LOXHD1: variants seen among roughly 807,000 people sequenced by gnomAD.
The protein encoded by LOXHD1 is lipoxygenase homology PLAT domains 1.
Under a neutral mutation model 248.2 loss-of-function variants are expected in LOXHD1, and 205 were observed. The ratio of observed to expected loss-of-function variants is 0.83; its 90% CI spans 0.74 to 0.93. LOXHD1 has a LOEUF of 0.93. LOXHD1 is among the 40% of genes least tolerant of loss of function. The pLI, the probability that LOXHD1 is intolerant of heterozygous loss-of-function variation, is 0.00. For synonymous variants in LOXHD1, 1,113 were observed against 1,162.8 expected, an observed-to-expected ratio of 0.96 and a Z score of 0.87; for missense variants, 2,930 against 2,971.6, an observed-to-expected ratio of 0.99 and a Z score of 0.33.
In LOXHD1 at chr18:46,533,688, C is replaced by T. The variant is rs140341342; in HGVS notation, c.4213-364G>A. 576 of 329,022 alleles carry T rather than the reference C, an allele frequency of 1.8e-3. 3 individuals are homozygous for T. Among genetic ancestry groups the T allele is most frequent in the African/African-American group, 0.012 (538 of 45,290 alleles). The allele number at this position is 329,022 out of a possible 1,614,324, so 20.4% of individuals were successfully genotyped here. A position where few individuals can be genotyped will look rare whatever the true frequency, so the allele number is the denominator to read the frequency against. On this transcript the variant is annotated intron_variant, in intron 27 of 40. Transcript: ENST00000642948. ...CCTGTAATCTCAGCACTTTGAGAGG[C>T]CAAGGCGGGTGGATTACCTGATGTC...
chr18:46,559,551 G>A lies in LOXHD1; in HGVS notation c.3113C>T (p.Thr1038Ile). The change falls in exon 20 of 41, where the codon ACT (threonine) becomes ATT (isoleucine). Residue 1038 changes from threonine (T) to isoleucine (I), a missense_variant. Physicochemically the swap from Thr to Ile is moderately conservative, Grantham distance 89. Transcript: ENST00000642948. ...GATGGTTAGGTAGACGTTAGCATCA[G>A]TGCCGGCCTTGGGCACATTCCCCGT... Reference protein sequence around the residue: ...VVTGNVPKAGTDANVYLTIYG... With the variant: ...VVTGNVPKAGIDANVYLTIYG... 1 of 1,551,964 alleles carries A rather than the reference G, an allele frequency of 6.4e-7. No individual in the cohort carries two copies. The highest frequency in any genetic ancestry group is 8.7e-7 in the Non-Finnish European group (1 of 1,147,050).
intron 37 of LOXHD1, among the ~76,000 whole-genome samples, chr18:46,500,611 G>T (rs541557584): frequency 2.0e-5 from 3 of 152,052 alleles, no homozygotes; most frequent in Non-Finnish European, 2.9e-5. Flanking sequence ...AGTGATTCCC[G>T]TTCTTGAGAC....
At position 46,620,401 on chromosome 18, in the gene LOXHD1, GGC is replaced by G. The variant is rs2038652044; in HGVS notation, c.512-2113_512-2112del. Among the ~76,000 whole-genome samples the G allele has an allele frequency of 2.0e-5, 3 of 152,346 alleles. No homozygotes were observed. In the East Asian group the frequency reaches 5.8e-4, roughly 29 times the overall value. On this transcript the variant is annotated intron_variant, in intron 4 of 40. Coordinates refer to ENST00000642948, the MANE Select transcript of LOXHD1 (RefSeq NM_001384474.1). ...AAGGTTGCATCAGTCCATTGGAAGG[GGC>G]AGCAGGGCTCCAGGGGAAACTGCAC...
At chr18:46,526,417 C>CA (rs1210532274) in intron 29 of LOXHD1, among the ~76,000 whole-genome samples, 5 of 152,340 alleles carry the variant, frequency 3.3e-5, no homozygotes, top group African/African-American at 1.2e-4. Context: ...CAAGTTAAAG[C>CA]AGTGTTTATA....
rs754490370 is a variant in LOXHD1 at position 46,506,024 on chromosome 18, C to A, written c.5693-1G>T. The stretch of plus-strand genomic sequence containing the variant: ...AACACGTTGGCATCAGTGCCTGCTC[C>A]TGGGGGGTGCACAAGGTGAGGCTTA... On this transcript the variant is annotated splice_acceptor_variant, in intron 36 of 40. Coordinates refer to ENST00000642948, the MANE Select transcript of LOXHD1 (RefSeq NM_001384474.1). LOFTEE classifies it high-confidence loss of function. 6.4e-7 allele frequency: 1 copy of A among 1,552,100 alleles called. No individual in the cohort carries two copies. The highest frequency in any genetic ancestry group is 1.2e-5 in the South Asian group (1 of 84,048).
chr18:46,541,476 C>A (rs909109015), intron 25 of LOXHD1, among the ~76,000 whole-genome samples: 2 of 152,220 alleles, frequency 1.3e-5, no homozygotes, highest in African/African-American at 4.8e-5. Flanking sequence ...TATCATCCTG[C>A]ATTATTATCT....
intron 5 of LOXHD1, among the ~76,000 whole-genome samples, chr18:46,615,707 C>G (rs1451221664): frequency 6.6e-6 from 1 of 152,114 alleles, no homozygotes; most frequent in Non-Finnish European, 1.5e-5. Context: ...TTAGGTCAAG[C>G]TTATTAACTG....
intron 15 of LOXHD1, among the ~76,000 whole-genome samples, chr18:46,570,989 C>T (rs1355649149): frequency 6.6e-6 from 1 of 152,098 alleles, no homozygotes; most frequent in African/African-American, 2.4e-5. Context: ...GGTACTGGTC[C>T]CAGCCCCATC....
At chr18:46,489,519 G>C (rs2033313257) in intron 37 of LOXHD1, among the ~76,000 whole-genome samples, 1 of 152,112 alleles carries the variant, frequency 6.6e-6, no homozygotes, top group African/African-American at 2.4e-5. Flanking sequence ...GAACTTTCTG[G>C]AGCTCACCAA....
At chr18:46,586,757 G>GT (rs2038069382) in intron 12 of LOXHD1, among the ~76,000 whole-genome samples, 1 of 152,152 alleles carries the variant, frequency 6.6e-6, no homozygotes, top group African/African-American at 2.4e-5. Flanking sequence ...CATAGCTGTT[G>GT]TTTTTAAAAA....
chr18:46,631,635 C>G (rs1381145103), intron 4 of LOXHD1, among the ~76,000 whole-genome samples: 12 of 152,210 alleles, frequency 7.9e-5, no homozygotes, highest in African/African-American at 2.9e-4. Flanking sequence ...GACATTTCCT[C>G]TGGCCCTGGC....
chr18:46,608,454 C>A (rs1189248533), intron 6 of LOXHD1, among the ~76,000 whole-genome samples: 2 of 152,156 alleles, frequency 1.3e-5, no homozygotes, highest in East Asian at 3.8e-4. Context: ...AAACTGTTCA[C>A]CCTTTAAAGC....
chr18:46,485,020 T>G lies in LOXHD1; in HGVS notation c.6181A>C (p.Lys2061Gln), dbSNP rs2143554936. ...TTCCCATGGGCCTCCCCTTCCTACT[T>G]CCTAAAGGCCCGCTGCCTAGAAGAA... is the stretch of plus-strand genomic sequence containing the variant. The part of the protein sequence containing the change: ...ENSSRQRAFR[K>Q]GTTDTFEFDS... The change falls in exon 39 of 41, where the codon AAG (lysine) becomes CAG (glutamine). Residue 2061 changes from lysine (K) to glutamine (Q), a missense_variant and splice_region_variant. Coordinates refer to ENST00000642948, the MANE Select transcript of LOXHD1 (RefSeq NM_001384474.1). The G allele has an allele frequency of 6.4e-7, 1 of 1,550,620 alleles. No homozygotes were observed. Among genetic ancestry groups the G allele is most frequent in the Middle Eastern group, 1.7e-4 (1 of 5,988 alleles).
intron 19 of LOXHD1, 112 bp from the exon 20 acceptor site, chr18:46,559,714 G>T: frequency 8.5e-7 from 1 of 1,182,482 alleles, no homozygotes; most frequent in Non-Finnish European, 1.2e-6. Context: ...ATCTTCAGAT[G>T]CATCTACACT....
intron 21 of LOXHD1, chr18:46,556,742 A>C: frequency 6.1e-6 from 1 of 164,006 alleles, no homozygotes; most frequent in Non-Finnish European, 1.2e-5. Context: ...CAGCCAGCCC[A>C]CTCTCATCCT....
intron 17 of LOXHD1, among the ~76,000 whole-genome samples, chr18:46,564,446 C>T (rs1473890358): frequency 6.6e-6 from 1 of 152,096 alleles, no homozygotes; most frequent in African/African-American, 2.4e-5. Flanking sequence ...GCAGGGGGAT[C>T]GCTCGAGCCT....
chr18:46,629,463 G>A (rs2144353606), intron 4 of LOXHD1, among the ~76,000 whole-genome samples: 1 of 152,230 alleles, frequency 6.6e-6, no homozygotes, highest in South Asian at 2.1e-4. Flanking sequence ...CAGTCCTCTG[G>A]CAGGTCCATA....
chr18:46,507,800 C>G, intron 35 of LOXHD1, 88 bp from the exon 36 acceptor site: 1 of 1,385,676 alleles, frequency 7.2e-7, no homozygotes, highest in Non-Finnish European at 9.7e-7. Flanking sequence ...TCCCCGAATC[C>G]CAACCCTGGA....
intron 34 of LOXHD1, among the ~76,000 whole-genome samples, chr18:46,513,623 G>A (rs1221361302): frequency 1.3e-5 from 2 of 152,224 alleles, no homozygotes; most frequent in Non-Finnish European, 1.5e-5. Context: ...GCAGCCACCA[G>A]AAGCTGCAAG....
Sources: allele counts gnomAD v4.1 joint callset (sites outside exome capture counted in the v4.1 genomes callset), GRCh38; gene constraint gnomAD v4.1.1; transcripts MANE v1.5; gene names NCBI Gene and HGNC (gene_info 2026-07-23, HGNC 2026-07-21).